RAG1: variants seen among roughly 807,000 people sequenced by gnomAD.
The protein encoded by RAG1 is recombination activating 1, also known as V(D)J recombination-activating protein 1.
A neutral mutation model predicts 62.7 loss-of-function variants in RAG1; 35 were observed. The observed-to-expected ratio is 0.56, with a 90% CI of 0.43 to 0.74. The LOEUF is 0.74. Ranked by LOEUF, RAG1 falls within the 30% of genes least tolerant of loss-of-function variation. RAG1 has a pLI of 0.00. For missense variants in RAG1, 1,169 were observed against 1,278.6 expected, an observed-to-expected ratio of 0.91 and a Z score of 1.31; for synonymous variants, 461 against 470.3, an observed-to-expected ratio of 0.98 and a Z score of 0.26.
chr11:36,577,019 C>T lies in RAG1; in HGVS notation c.*583C>T. On this transcript the variant is annotated 3_prime_UTR_variant, in exon 2 of 2. Transcript: ENST00000299440. ...TACAAAGTGCTCTCAATGCATTTAC[C>T]CATTCGTTATATAAATATGTTACAT... The T allele has an allele frequency of 5.9e-6, 1 of 168,518 alleles. No individual in the cohort carries two copies. The allele number at this position is 168,518 out of a possible 1,614,324, so 10.4% of individuals were successfully genotyped here. A position where few individuals can be genotyped will look rare whatever the true frequency, so the allele number is the denominator to read the frequency against.
At chr11:36,531,478 A>G (rs917397008) in intron 2 of RAG1, among the ~76,000 whole-genome samples, 2 of 151,762 alleles carry the variant, frequency 1.3e-5, no homozygotes, top group Non-Finnish European at 2.9e-5. Flanking sequence ...GTCTTTTTGT[A>G]TAGATTTTTA....
At chr11:36,561,927 T>C (rs1186283014) in intron 3 of RAG1, among the ~76,000 whole-genome samples, 1 of 152,212 alleles carries the variant, frequency 6.6e-6, no homozygotes, top group Non-Finnish European at 1.5e-5. Context: ...AAGGTAATAT[T>C]TTAAGCAGAG....
In RAG1 at chr11:36,576,394, CAT is replaced by C; in HGVS notation, c.3092_3093del (p.Ile1031ArgfsTer33). 6.2e-7 allele frequency: 1 copy of C among 1,614,154 alleles called. No homozygotes were observed. Among genetic ancestry groups the C allele is most frequent in the Non-Finnish European group, 8.5e-7 (1 of 1,179,998 alleles). ...PQASLGDPLG[I>X]EDSLESQDSM... ...AGGCAAGCTTAGGGGACCCATTAGG[CAT>C]AGAGGACTCTCTGGAAAGCCAAGAT... is the stretch of plus-strand genomic sequence containing the variant. On this transcript the variant is annotated frameshift_variant, in exon 2 of 2. Coordinates refer to ENST00000299440, the MANE Select transcript of RAG1 (RefSeq NM_000448.3). LOFTEE classifies it high-confidence loss of function.
chr11:36,545,717 A>G (rs962993537), intron 3 of RAG1, among the ~76,000 whole-genome samples: 1 of 152,208 alleles, frequency 6.6e-6, no homozygotes, highest in Non-Finnish European at 1.5e-5. Flanking sequence ...TCAACAGATT[A>G]TAACAAACCA....
intron 1 of RAG1, among the ~76,000 whole-genome samples, chr11:36,568,826 C>G (rs1215528455): frequency 6.6e-6 from 1 of 152,116 alleles, no homozygotes. Flanking sequence ...GTGGTTCATG[C>G]AAGAGGTTGT....
intron 2 of RAG1, among the ~76,000 whole-genome samples, chr11:36,528,910 TCC>T (rs1860208453): frequency 6.6e-6 from 1 of 152,050 alleles, no homozygotes; most frequent in Non-Finnish European, 1.5e-5. Context: ...ATGGATAAAT[TCC>T]CAGACACATA....
chr11:36,567,339 A>G (rs940979995), upstream of RAG1: 1 of 152,236 alleles, frequency 6.6e-6, no homozygotes, highest in East Asian at 1.9e-4. Flanking sequence ...AATGGGGACT[A>G]ATATTATTAA....
chr11:36,518,400 C>A (rs1860027047), intron 1 of RAG1, among the ~76,000 whole-genome samples: 2 of 152,106 alleles, frequency 1.3e-5, no homozygotes, highest in Non-Finnish European at 2.9e-5. Context: ...GTTCTAGATC[C>A]CTGAGGAATC....
chr11:36,522,218 C>T (rs991270586), intron 2 of RAG1, among the ~76,000 whole-genome samples: 9 of 152,232 alleles, frequency 5.9e-5, no homozygotes. Context: ...CCATCACAAG[C>T]CCAGAGGCCT....
intron 3 of RAG1, among the ~76,000 whole-genome samples, chr11:36,551,372 C>T (rs1443996912): frequency 6.6e-6 from 1 of 152,076 alleles, no homozygotes; most frequent in Non-Finnish European, 1.5e-5. Flanking sequence ...GTAGCTTAAA[C>T]AACCAACGTT....
At position 36,578,388 on chromosome 11, in the gene RAG1, G is replaced by A. The variant is rs1564991122; in HGVS notation, c.*1952G>A. 6.0e-6 allele frequency: 1 copy of A among 165,790 alleles called. No individual in the cohort carries two copies. Among genetic ancestry groups the A allele is most frequent in the African/African-American group, 2.4e-5 (1 of 41,286 alleles). The allele number at this position is 165,790 out of a possible 1,614,324, so 10.3% of individuals were successfully genotyped here. On this transcript the variant is annotated 3_prime_UTR_variant, in exon 2 of 2. Transcript: ENST00000299440. ...TGAAAACTCTTGGTTTTGTTTTTTTGGAAATGAGTGGGCCACTAAGCCACA... is the reference window on the plus strand; with the variant it reads ...TGAAAACTCTTGGTTTTGTTTTTTTAGAAATGAGTGGGCCACTAAGCCACA...
chr11:36,526,758 T>C (rs1290160332), intron 2 of RAG1, among the ~76,000 whole-genome samples: 4 of 152,226 alleles, frequency 2.6e-5, no homozygotes, highest in Admixed American at 6.5e-5. Flanking sequence ...TTCCTGACTT[T>C]TTAATGATTG....
intron 3 of RAG1, among the ~76,000 whole-genome samples, chr11:36,543,360 G>T (rs1020202506): frequency 2.6e-5 from 4 of 152,218 alleles, no homozygotes; most frequent in African/African-American, 9.6e-5. Context: ...TCATCCCTCT[G>T]ATGCCCTGTA....
intron 3 of RAG1, among the ~76,000 whole-genome samples, chr11:36,549,409 A>C (rs1394472362): frequency 6.6e-6 from 1 of 152,242 alleles, no homozygotes; most frequent in African/African-American, 2.4e-5. Flanking sequence ...GCTACAAGGA[A>C]CTTAAACAAC....
chr11:36,569,045 G>A (rs1325718109), intron 1 of RAG1, among the ~76,000 whole-genome samples: 1 of 152,198 alleles, frequency 6.6e-6, no homozygotes, highest in African/African-American at 2.4e-5. Flanking sequence ...TACAGACTAA[G>A]TTGAAGATGT....
chr11:36,577,526 T>G lies in RAG1; in HGVS notation c.*1090T>G, dbSNP rs1850869607. On this transcript the variant is annotated 3_prime_UTR_variant, in exon 2 of 2. Transcript: ENST00000299440. ...AATTGTGTAGCAGGATAACCTTGTA[T>G]TTTTCCATCCGCTAAGTTTAGATGG... 1 of 167,178 alleles carries G rather than the reference T, an allele frequency of 6.0e-6. No individual in the cohort carries two copies. Among genetic ancestry groups the G allele is most frequent in the East Asian group, 1.9e-4 (1 of 5,190 alleles). 10.4% of individuals were successfully genotyped at this position (167,178 alleles called of 1,614,324 possible). A position where few individuals can be genotyped will look rare whatever the true frequency, so the allele number is the denominator to read the frequency against.
chr11:36,516,312 T>TTTTG (rs1859994893), intron 1 of RAG1, among the ~76,000 whole-genome samples: 1 of 152,204 alleles, frequency 6.6e-6, no homozygotes, highest in South Asian at 2.1e-4. Flanking sequence ...CTGTTGTGTT[T>TTTTG]TTTGTTTGTT....
chr11:36,511,617 C>G (rs1246342194), intron 1 of RAG1, among the ~76,000 whole-genome samples: 1 of 152,168 alleles, frequency 6.6e-6, no homozygotes, highest in Admixed American at 6.5e-5. Context: ...TGTCAACCCC[C>G]TTTTAAAAGA....
intron 1 of RAG1, among the ~76,000 whole-genome samples, chr11:36,519,556 A>G (rs149370118): frequency 1.6e-4 from 25 of 152,348 alleles, no homozygotes; most frequent in East Asian, 1.2e-3. Flanking sequence ...CTACCTTTGC[A>G]TTTATAATGT....
Sources: gnomAD v4.1 joint callset for allele counts (sites outside exome capture counted in the v4.1 genomes callset) on GRCh38, gnomAD v4.1.1 for gene constraint, MANE v1.5 for transcripts, NCBI Gene and HGNC (gene_info 2026-07-23, HGNC 2026-07-21) for gene names.